BCAR3: variants seen among roughly 807,000 people sequenced by gnomAD.
BCAR3 encodes the protein BCAR3 adaptor protein, NSP family member.
In BCAR3, 37 loss-of-function variants were observed where a neutral mutation model predicts 80.1. The ratio of observed to expected loss-of-function variants is 0.46; its 90% CI spans 0.36 to 0.61. The LOEUF (loss-of-function observed/expected upper bound fraction) is 0.61, where lower values mean the gene tolerates loss of function less well. BCAR3 is among the 20% of genes least tolerant of loss of function. BCAR3 has a pLI of 0.00. For missense variants in BCAR3, 978 were observed against 1,068.2 expected (o/e 0.92, Z 1.18); for synonymous variants, 389 against 418.9 (o/e 0.93, Z 0.87).
In BCAR3 at chr1:93,582,489, C is replaced by T. The variant is rs1673753558; in HGVS notation, c.1498G>A (p.Asp500Asn). 1.2e-6 allele frequency: 2 copies of T among 1,614,060 alleles called. No homozygotes were observed. The highest frequency in any genetic ancestry group is 2.2e-5 in the South Asian group (2 of 91,086). The stretch of plus-strand genomic sequence containing the variant: ...AGGGGCGTCACAAACTCGCCCTTGT[C>T]CCACTGCCCCTTCTCCATCTGAGCT... ...AAAQMEKGQW[D>N]KGEFVTPLLE... The change falls in exon 7 of 12, where the codon GAC (aspartate) becomes AAC (asparagine). Residue 500 changes from aspartate to asparagine, a missense_variant. By Grantham distance (23) the Asp-to-Asn change is conservative. Coordinates refer to ENST00000260502, the MANE Select transcript of BCAR3 (RefSeq NM_003567.4).
At chr1:93,688,989 C>T (rs1649072804) in intron 3 of BCAR3, among the ~76,000 whole-genome samples, 1 of 152,020 alleles carries the variant, frequency 6.6e-6, no homozygotes, top group Non-Finnish European at 1.5e-5. Context: ...AATTCAAAAA[C>T]ATATTTTAAA....
chr1:93,782,547 G>A (rs895227915), intron 2 of BCAR3, among the ~76,000 whole-genome samples: 1 of 152,178 alleles, frequency 6.6e-6, no homozygotes, highest in African/African-American at 2.4e-5. Context: ...GGCTACAGAG[G>A]TTGTAGAAAG....
intron 3 of BCAR3, among the ~76,000 whole-genome samples, chr1:93,697,951 C>T (rs1172806828): frequency 6.6e-6 from 1 of 152,210 alleles, no homozygotes; most frequent in Non-Finnish European, 1.5e-5. Context: ...GCACTCCAGC[C>T]TAGGCAACAA....
chr1:93,623,294 G>A (rs1675366777), intron 3 of BCAR3, among the ~76,000 whole-genome samples: 1 of 146,780 alleles, frequency 6.8e-6, no homozygotes. Flanking sequence ...TCCTAAAAAT[G>A]TAAGGGGGGG....
At chr1:93,632,074 T>C (rs1444728847) in intron 3 of BCAR3, among the ~76,000 whole-genome samples, 1 of 152,218 alleles carries the variant, frequency 6.6e-6, no homozygotes, top group Non-Finnish European at 1.5e-5. Context: ...AGCAGAGAGA[T>C]GCTGCTCAGA....
chr1:93,778,692 C>A (rs1234353790), intron 2 of BCAR3, among the ~76,000 whole-genome samples: 1 of 152,162 alleles, frequency 6.6e-6, no homozygotes, highest in Non-Finnish European at 1.5e-5. Context: ...CAACAAGACC[C>A]ACTTCTCTAG....
chr1:93,733,231 C>T (rs911883132), intron 2 of BCAR3, among the ~76,000 whole-genome samples: 8 of 152,120 alleles, frequency 5.3e-5, no homozygotes, highest in Admixed American at 1.3e-4. Flanking sequence ...TACTCAGGCC[C>T]GCCTGAGGAC....
At chr1:93,785,597 G>A (rs999810604) in intron 2 of BCAR3, among the ~76,000 whole-genome samples, 1 of 152,216 alleles carries the variant, frequency 6.6e-6, no homozygotes. Flanking sequence ...TTGTGAGAAG[G>A]ATAAAATGAG....
chr1:93,573,629 TA>T lies in BCAR3; in HGVS notation c.1803-1789del, dbSNP rs200085701. The stretch of plus-strand genomic sequence containing the variant: ...ATATTTTTATTATTATTATTATTAT[TA>T]TTATTTTTTTTTTTTTGAGACAGGG... On this transcript the variant is annotated intron_variant, in intron 8 of 11. Coordinates refer to ENST00000260502, the MANE Select transcript of BCAR3 (RefSeq NM_003567.4). Among the ~76,000 whole-genome samples the T allele has an allele frequency of 2.1e-3, 299 of 141,532 alleles. 4 individuals are homozygous for T. The highest frequency in any genetic ancestry group is 8.2e-3 in the African/African-American group (290 of 35,266). 92.9% of individuals were successfully genotyped at this position (141,532 alleles called of 152,430 possible).
intron 2 of BCAR3, among the ~76,000 whole-genome samples, chr1:93,747,660 G>C (rs12132405): frequency 0.12 from 18,129 of 151,400 alleles, 1,875 homozygotes; most frequent in African/African-American, 0.23. Context: ...CATATAATTT[G>C]AGCTGCTACC....
chr1:93,823,325 C>G (rs1032281172), intron 2 of BCAR3, among the ~76,000 whole-genome samples: 1 of 133,400 alleles, frequency 7.5e-6, no homozygotes, highest in African/African-American at 2.5e-5. Context: ...ACCATTAAAG[C>G]AGGAAGTCCC....
intron 2 of BCAR3, among the ~76,000 whole-genome samples, chr1:93,779,692 C>T (rs188226207): frequency 2.6e-5 from 4 of 152,116 alleles, no homozygotes; most frequent in Admixed American, 2.6e-4. Flanking sequence ...TTGCTTAGTG[C>T]GTAAGTTGTT....
At chr1:93,738,108 A>T (rs1368214899) in intron 2 of BCAR3, among the ~76,000 whole-genome samples, 2 of 152,164 alleles carry the variant, frequency 1.3e-5, no homozygotes, top group Admixed American at 6.5e-5. Flanking sequence ...TGCTGGGGTT[A>T]CAAGCATGAG....
chr1:93,759,020 C>G (rs1221565466), intron 2 of BCAR3, among the ~76,000 whole-genome samples: 4 of 152,136 alleles, frequency 2.6e-5, no homozygotes, highest in African/African-American at 9.7e-5. Context: ...TTATCCCTCT[C>G]CCAACACTAT....
intron 7 of BCAR3, among the ~76,000 whole-genome samples, chr1:93,578,760 G>C (rs1329266690): frequency 6.6e-6 from 1 of 150,726 alleles, no homozygotes; most frequent in Non-Finnish European, 1.5e-5. Context: ...GGTGCTCCAA[G>C]AGCAGAGACC....
At chr1:93,827,955 T>C (rs1654427704) in intron 2 of BCAR3, among the ~76,000 whole-genome samples, 1 of 152,154 alleles carries the variant, frequency 6.6e-6, no homozygotes, top group South Asian at 2.1e-4. Flanking sequence ...TTGCCCCTCA[T>C]TCTTCCCAGT....
At chr1:93,566,663 C>G (rs1672965154) in intron 11 of BCAR3, among the ~76,000 whole-genome samples, 1 of 152,178 alleles carries the variant, frequency 6.6e-6, no homozygotes, top group South Asian at 2.1e-4. Flanking sequence ...CTGGATAAAA[C>G]TCCACCTCCT....
intron 2 of BCAR3, among the ~76,000 whole-genome samples, chr1:93,834,532 T>C (rs934480536): frequency 6.6e-6 from 1 of 152,206 alleles, no homozygotes; most frequent in African/African-American, 2.4e-5. Context: ...TGCAGGGCCG[T>C]GTGGTTAGAA....
chr1:93,804,120 A>G (rs1653584710), intron 2 of BCAR3, among the ~76,000 whole-genome samples: 1 of 152,228 alleles, frequency 6.6e-6, no homozygotes, highest in African/African-American at 2.4e-5. Flanking sequence ...GGACCAGCCT[A>G]TACAACACAG....
Sources: allele counts gnomAD v4.1 joint callset (sites outside exome capture counted in the v4.1 genomes callset), GRCh38; gene constraint gnomAD v4.1.1; transcripts MANE v1.5; gene names NCBI Gene and HGNC (gene_info 2026-07-23, HGNC 2026-07-21).